Variants in PIN4 observed in about 807,000 individuals in gnomAD.
PIN4 encodes the protein peptidyl-prolyl cis-trans isomerase NIMA-interacting 4.
PIN4 carries 3 observed loss-of-function variants against 8.3 expected under a neutral mutation model. The ratio of observed to expected loss-of-function variants is 0.36; its 90% CI spans 0.16 to 0.93. PIN4 has a LOEUF of 0.93. Ranked by LOEUF, PIN4 falls within the 40% of genes least tolerant of loss-of-function variation. The pLI is 0.44. For synonymous variants in PIN4, 18 were observed against 32.5 expected, an observed-to-expected ratio of 0.55 and a Z score of 1.52; for missense variants, 75 against 100.6, an observed-to-expected ratio of 0.75 and a Z score of 1.09.
intron 3 of PIN4, chrX:72,238,954 G>GCTTGGAA: frequency 2.1e-6 from 2 of 964,196 alleles, no homozygotes; most frequent in South Asian, 2.1e-5. Flanking sequence ...GGAGTTTGGA[G>GCTTGGAA]CTTGGAGCTT....
chrX:72,219,356 C>T (rs957221902), intron 3 of PIN4, among the ~76,000 whole-genome samples: 1 of 109,696 alleles, frequency 9.1e-6, no homozygotes, highest in Non-Finnish European at 1.9e-5. Context: ...GAGTTTGAGA[C>T]CAGCCTGGCC....
rs1488868680 is a variant in PIN4 at position 72,197,522 on chromosome X, A to G, written c.392A>G (p.Lys131Arg). ...GYHIIMVEGR[K>R] ...CATATTATTATGGTCGAAGGAAGAA[A>G]ATAAAATCATATGAAAGACTGAATA... Residue 131 changes from lysine to arginine, a missense_variant, in exon 4 of 4, where the codon AAA (lysine) becomes AGA (arginine). Physicochemically the swap from Lys to Arg is conservative, Grantham distance 26. Transcript: ENST00000373669. 1 of 1,194,815 alleles carries G rather than the reference A, an allele frequency of 8.4e-7. No homozygotes were observed. Among genetic ancestry groups the G allele is most frequent in the Non-Finnish European group, 1.1e-6 (1 of 881,821 alleles).
At chrX:72,250,764 G>A (rs1303489278) in intron 3 of PIN4, among the ~76,000 whole-genome samples, 5 of 95,862 alleles carry the variant, frequency 5.2e-5, no homozygotes, top group African/African-American at 1.6e-4. Context: ...TTTTGAGAGG[G>A]AGTCTCACTC....
Position 72,196,799 on chromosome X carries a change from A to G in PIN4, c.132A>G (p.Leu44=), listed in dbSNP as rs1186725109. ...GGNAVKVRHI[L]CEKHGKIMEA... ...TTTCCTTGCAGGTCAGACACATTCT[A>G]TGTGAAAAACATGGCAAAATCATGG... Residue 44 remains leucine (L), a synonymous_variant, in exon 3 of 4, where the codon CTA becomes CTG. Coordinates refer to ENST00000373669, the MANE Select transcript of PIN4 (RefSeq NM_006223.4). The G allele has an allele frequency of 1.7e-6, 2 of 1,204,120 alleles. No homozygotes were observed. The highest frequency in any genetic ancestry group is 2.2e-5 in the Admixed American group (1 of 45,601).
intron 2 of PIN4, among the ~76,000 whole-genome samples, chrX:72,193,617 C>G (rs1455095537): frequency 9.0e-6 from 1 of 111,123 alleles, no homozygotes. Context: ...CACCTATAAT[C>G]CCAACATTTT....
chrX:72,186,827 C>T (rs756036779), intron 2 of PIN4, among the ~76,000 whole-genome samples: 50 of 110,866 alleles, frequency 4.5e-4, no homozygotes, highest in South Asian at 1.5e-3. Flanking sequence ...GGCTGAGGCA[C>T]GAGAATCAAG....
chrX:72,231,470 G>C (rs2042983026), intron 3 of PIN4, among the ~76,000 whole-genome samples: 1 of 111,115 alleles, frequency 9.0e-6, no homozygotes, highest in South Asian at 3.8e-4. Context: ...TAAACAGGAG[G>C]AATAGGTTCT....
At chrX:72,189,358 C>T (rs936663008) in intron 2 of PIN4, among the ~76,000 whole-genome samples, 1 of 110,971 alleles carries the variant, frequency 9.0e-6, no homozygotes, top group Middle Eastern at 4.2e-3. Flanking sequence ...TTCCCTCCTG[C>T]CCCACCTCTG....
rs12391256 is a variant in PIN4, at chrX:72,190,174, G to A, written c.117+3640G>A. Among the ~76,000 whole-genome samples the A allele has an allele frequency of 5.5e-3, 614 of 111,388 alleles. 12 individuals are homozygous for A. Among genetic ancestry groups the A allele is most frequent in the African/African-American group, 0.019 (594 of 30,475 alleles). ...CCTATCCCCTGCACACTCAAAATTA[G>A]GCCTAAGGGCTTGATCATTGGATTG... On this transcript the variant is annotated intron_variant, in intron 2 of 3. Transcript: ENST00000373669.
At chrX:72,224,327 C>T (rs748420306) in intron 3 of PIN4, among the ~76,000 whole-genome samples, 4 of 111,554 alleles carry the variant, frequency 3.6e-5, no homozygotes, top group Admixed American at 9.5e-5. Context: ...CATTGTCCCA[C>T]TCCTTTACTA....
chrX:72,260,029 G>A (rs1029158202), intron 3 of PIN4, among the ~76,000 whole-genome samples: 27 of 108,893 alleles, frequency 2.5e-4, no homozygotes, highest in African/African-American at 8.7e-4. Context: ...AGAAGCCACC[G>A]CGCCTGGCCC....
rs1569492592 is a variant in PIN4 at position 72,238,956 on chromosome X, T to C, written c.313-23751T>C. The C allele has an allele frequency of 5.2e-6, 5 of 967,724 alleles. No homozygotes were observed. In the African/African-American group the frequency reaches 5.8e-5, roughly 11 times the overall value. The allele number at this position is 967,724 out of a possible 1,213,427, so 79.8% of individuals were successfully genotyped here. On this transcript the variant is annotated intron_variant, in intron 3 of 3. Transcript: ENST00000423432. ...AGTTACCCCGGCGGGAGTTTGGAGC[T>C]TGGAGCTTGGAGCTTGGAGCTTGGA...
At chrX:72,190,912 C>T (rs1038931626) in intron 2 of PIN4, among the ~76,000 whole-genome samples, 5 of 104,860 alleles carry the variant, frequency 4.8e-5, no homozygotes, top group Non-Finnish European at 9.8e-5. Context: ...GTGATCACAC[C>T]ACTGCACTCC....
At chrX:72,186,589 A>G in intron 2 of PIN4, 55 bp downstream of exon 2, 1 of 770,107 alleles carries the variant, frequency 1.3e-6, no homozygotes, top group Non-Finnish European at 2.0e-6. Context: ...TTTATGTGTT[A>G]GTACACATAA....
At chrX:72,186,560 A>T (rs753620722) in intron 2 of PIN4, 26 bp downstream of exon 2, 1 of 1,005,525 alleles carries the variant, frequency 9.9e-7, no homozygotes, top group African/African-American at 1.9e-5. Flanking sequence ...CTTTTTTTCC[A>T]TGTTAAATAT....
At chrX:72,226,146 C>T (rs374722006) in intron 3 of PIN4, among the ~76,000 whole-genome samples, 26 of 111,878 alleles carry the variant, frequency 2.3e-4, no homozygotes, top group Non-Finnish European at 4.9e-4. Flanking sequence ...TCCTGCCACT[C>T]TTTTGCCTTC....
chrX:72,246,640 T>G (rs1221655695), intron 3 of PIN4, among the ~76,000 whole-genome samples: 2 of 111,601 alleles, frequency 1.8e-5, no homozygotes, highest in Non-Finnish European at 3.8e-5. Flanking sequence ...CGATCTCTTC[T>G]CAAACTGAAC....
At chrX:72,230,298 C>A (rs1288012011) in intron 3 of PIN4, among the ~76,000 whole-genome samples, 1 of 111,235 alleles carries the variant, frequency 9.0e-6, no homozygotes, top group Non-Finnish European at 1.9e-5. Context: ...AAGATAACCC[C>A]CCTCTGGCCA....
chrX:72,212,380 C>T lies in PIN4; in HGVS notation c.312+15476C>T, dbSNP rs921412325. Among the ~76,000 whole-genome samples, 3 of 111,843 alleles carry T rather than the reference C, an allele frequency of 2.7e-5. No homozygotes were observed. The Admixed American group carries it at 2.9e-4, about 11-fold the overall frequency. ...ATTAACCTCTCAACATCTAATCCACCTCCCTTTGGAACTGGCTGATACCTT... is the reference window on the plus strand; with the variant it reads ...ATTAACCTCTCAACATCTAATCCACTTCCCTTTGGAACTGGCTGATACCTT... On this transcript the variant is annotated intron_variant, in intron 3 of 3. Transcript: ENST00000423432.
Sources: gnomAD v4.1 joint callset for allele counts (sites outside exome capture counted in the v4.1 genomes callset) on GRCh38, gnomAD v4.1.1 for gene constraint, MANE v1.5 for transcripts, NCBI Gene and HGNC (gene_info 2026-07-23, HGNC 2026-07-21) for gene names.